Variants in IPO4 observed in about 807,000 individuals in gnomAD.
IPO4 encodes importin 4.
In IPO4, 91 loss-of-function variants were observed where a neutral mutation model predicts 133.5. The observed-to-expected ratio is 0.68, with a 90% CI of 0.58 to 0.81. The LOEUF (loss-of-function observed/expected upper bound fraction) is 0.81. Ranked by LOEUF, IPO4 falls within the 30% of genes least tolerant of loss-of-function variation. The pLI is 0.00. For synonymous variants in IPO4, 607 were observed against 581.6 expected (o/e 1.04, Z -0.63); for missense variants, 1,279 against 1,386.2 (o/e 0.92, Z 1.23).
Position 24,183,104 on chromosome 14 carries a change from G to A in IPO4, c.2293C>T (p.Arg765Cys), listed in dbSNP as rs200223765. 5.1e-5 allele frequency: 82 copies of A among 1,613,844 alleles called. No individual in the cohort carries two copies. Among genetic ancestry groups the A allele is most frequent in the Middle Eastern group, 3.3e-4 (2 of 6,062 alleles). The part of the protein sequence containing the change: ...YMQAVNRERE[R>C]QVVMAVLEAL... ...TCCAGCACGGCCATCACCACCTGGC[G>A]TTCCCGCTCCCTGTTCACTGCCTGC... is the stretch of plus-strand genomic sequence containing the variant. The change falls in exon 23 of 30, where the codon CGC becomes TGC. Residue 765 changes from arginine to cysteine, a missense_variant. Physicochemically the swap from Arg to Cys is radical, Grantham distance 180. Around this residue, in one of 3 missense-constraint regions of IPO4, gnomAD observed 575 missense variants for 653.4 expected, o/e 0.88. Coordinates refer to ENST00000354464, the MANE Select transcript of IPO4 (RefSeq NM_024658.4).
Position 24,186,979 on chromosome 14 carries a change from C to T in IPO4, c.655G>A (p.Ala219Thr), listed in dbSNP as rs370544113. The change falls in exon 8 of 30, where the codon GCA (alanine) becomes ACA (threonine). Residue 219 changes from alanine to threonine, a missense_variant and splice_region_variant. Physicochemically the swap from Ala to Thr is moderately conservative, Grantham distance 58. This residue lies in a region of IPO4 where 695 missense variants were observed against 704.1 expected (regional missense o/e 0.99). Coordinates refer to ENST00000354464, the MANE Select transcript of IPO4 (RefSeq NM_024658.4). ...AMQTLIPIDE[A>T]KACEALEALD... ...GCCTCAAGGGCCTCACAGGCCTTTG[C>T]CTGACAGACAAACAAGGCACAAGGT... 1.2e-5 allele frequency: 19 copies of T among 1,613,484 alleles called. No individual in the cohort carries two copies. The highest frequency in any genetic ancestry group is 1.5e-5 in the Non-Finnish European group (18 of 1,179,522).
chr14:24,185,465 G>A lies in IPO4; in HGVS notation c.1272C>T (p.Asn424=). 6.2e-7 allele frequency: 1 copy of A among 1,614,140 alleles called. No individual in the cohort carries two copies. The highest frequency in any genetic ancestry group is 8.5e-7 in the Non-Finnish European group (1 of 1,179,974). ...ALFALGQFSE[N]LQPHISSYSR... ...CACATTCAGCCTGGTTCACCTGTAG[G>A]TTTTCTGAGAACTGGCCCAGGGCAA... The change falls in exon 13 of 30, where the codon AAC becomes AAT. Residue 424 remains asparagine, a synonymous_variant. Transcript: ENST00000354464.
At position 24,184,317 on chromosome 14, in the gene IPO4, G is replaced by C. The variant is rs11550452; in HGVS notation, c.1738C>G (p.Pro580Ala). ...GLGLCDQVDD[P>A]DLRRCTYSLF... The stretch of plus-strand genomic sequence containing the variant: ...ACTCACGTGCAGCGCCGCAAGTCAG[G>C]GTCGTCTACCTGGTCGCAGAGGCCC... The change falls in exon 17 of 30, where the codon CCT becomes GCT. Residue 580 changes from proline (P) to alanine (A), a missense_variant. Coordinates refer to ENST00000354464, the MANE Select transcript of IPO4 (RefSeq NM_024658.4). The C allele has an allele frequency of 0.33, 526,636 of 1,582,222 alleles. 89,386 individuals carry two copies. Among genetic ancestry groups the C allele is most frequent in the East Asian group, 0.44 (19,105 of 43,118 alleles).
Position 24,180,570 on chromosome 14 carries a change from T to C in IPO4, c.3118A>G (p.Thr1040Ala). The C allele has an allele frequency of 6.2e-7, 1 of 1,613,652 alleles. No individual in the cohort carries two copies. Among genetic ancestry groups the C allele is most frequent in the Non-Finnish European group, 8.5e-7 (1 of 1,179,568 alleles). Residue 1040 changes from threonine (T) to alanine (A), a missense_variant and splice_region_variant, in exon 30 of 30, where the codon ACC (threonine) becomes GCC (alanine). Thr to Ala is a moderately conservative substitution (Grantham distance 58). Around this residue, in one of 3 missense-constraint regions of IPO4, gnomAD observed 575 missense variants for 653.4 expected, o/e 0.88. Transcript: ENST00000354464. ...AGGAGCAGCAACAGTGCGGCCTTGG[T>C]GTCTGGGTGGAGAGGGAGGGAGAAA... Reference protein sequence around the residue: ...ILADNKIPPDTKAALLLLLTF... With the variant: ...ILADNKIPPDAKAALLLLLTF...
intron 6 of IPO4, 98 bp from the exon 7 acceptor site, chr14:24,187,248 A>C: frequency 6.7e-7 from 1 of 1,493,310 alleles, no homozygotes; most frequent in Non-Finnish European, 9.3e-7. Context: ...GAGCCCAGGC[A>C]TAACAGCCAG....
Position 24,183,001 on chromosome 14 carries a change from A to C in IPO4, c.2396T>G (p.Val799Gly). The C allele has an allele frequency of 3.7e-6, 6 of 1,613,536 alleles. No individual in the cohort carries two copies. The highest frequency in any genetic ancestry group is 5.1e-6 in the Non-Finnish European group (6 of 1,179,738). The change falls in exon 23 of 30, where the codon GTG becomes GGG. Residue 799 changes from valine (V) to glycine (G), a missense_variant. This residue lies in a region of IPO4 where 575 missense variants were observed against 653.4 expected (regional missense o/e 0.88). Coordinates refer to ENST00000354464, the MANE Select transcript of IPO4 (RefSeq NM_024658.4). Reference protein sequence around the residue: ...PPGRLAELCGVLKAVLQRKTA... With the variant: ...PPGRLAELCGGLKAVLQRKTA... ...CTTCCTCTGCAGCACAGCCTTGAGCACGCCACAGAGCTCAGCGAGGCGCCC... is the reference window on the plus strand; with the variant it reads ...CTTCCTCTGCAGCACAGCCTTGAGCCCGCCACAGAGCTCAGCGAGGCGCCC...
chr14:24,188,532 G>A lies in IPO4; in HGVS notation c.156+20C>T. On this transcript the variant is annotated intron_variant, in intron 2 of 29. Coordinates refer to ENST00000354464, the MANE Select transcript of IPO4 (RefSeq NM_024658.4). Reference sequence around the variant, plus strand: ...GTGGCGTACAGTGGGAAGCTCGGAGGGGAGAGTCAGGGGTCTCACCTGGGG... The same window carrying A: ...GTGGCGTACAGTGGGAAGCTCGGAGAGGAGAGTCAGGGGTCTCACCTGGGG... The A allele has an allele frequency of 6.2e-7, 1 of 1,610,436 alleles. No individual in the cohort carries two copies. Among genetic ancestry groups the A allele is most frequent in the Non-Finnish European group, 8.5e-7 (1 of 1,177,992 alleles).
Position 24,184,744 on chromosome 14 carries a change from C to T in IPO4, c.1542G>A (p.Ser514=), listed in dbSNP as rs776574208. 2.2e-5 allele frequency: 35 copies of T among 1,612,526 alleles called. 1 individual carries two copies. Among genetic ancestry groups the T allele is most frequent in the East Asian group, 1.3e-4 (6 of 44,880 alleles). Residue 514 remains serine, a synonymous_variant, in exon 16 of 30, where the codon TCG becomes TCA. Transcript: ENST00000354464. The part of the protein sequence containing the change: ...LGAIATAAQA[S]LLPYFPAIME... ...TGATGGCAGGGAAGTAGGGCAGCAGCGAGGCCTGGGCAGCCGTAGCTGCAG... is the reference window on the plus strand; with the variant it reads ...TGATGGCAGGGAAGTAGGGCAGCAGTGAGGCCTGGGCAGCCGTAGCTGCAG...
intron 13 of IPO4, 44 bp from the exon 14 acceptor site, chr14:24,185,356 G>T: frequency 6.2e-7 from 1 of 1,613,502 alleles, no homozygotes; most frequent in Non-Finnish European, 8.5e-7. Flanking sequence ...TTCACCTGCC[G>T]GGCACACACA....
At chr14:24,186,582 G>A in intron 9 of IPO4, 126 bp downstream of exon 9, 1 of 1,357,182 alleles carries the variant, frequency 7.4e-7, no homozygotes, top group Non-Finnish European at 1.0e-6. Flanking sequence ...GAGCTGGGGT[G>A]AGGCCAGGCC....
chr14:24,188,053 C>A, intron 4 of IPO4, 163 bp downstream of exon 4: 1 of 822,280 alleles, frequency 1.2e-6, no homozygotes, highest in Non-Finnish European at 1.9e-6. Flanking sequence ...CATCATCACC[C>A]TTCCTCAAGA....
intron 16 of IPO4, 64 bp from the exon 17 acceptor site, chr14:24,184,482 G>A (rs1234354093): frequency 1.4e-5 from 22 of 1,549,830 alleles, no homozygotes; most frequent in Non-Finnish European, 1.7e-5. Flanking sequence ...CAAAGGTGGT[G>A]GCTGGGAGGG....
intron 4 of IPO4, 139 bp downstream of exon 4, chr14:24,188,077 A>C: frequency 1.0e-6 from 1 of 952,578 alleles, no homozygotes; most frequent in Non-Finnish European, 1.6e-6. Context: ...TTAGTCTTCA[A>C]AACAGCCTTA....
At chr14:24,180,648 C>T in intron 29 of IPO4, 41 bp downstream of exon 29, 1 of 1,613,084 alleles carries the variant, frequency 6.2e-7, no homozygotes, top group Non-Finnish European at 8.5e-7. Context: ...CCTGCCACTC[C>T]CAGCCTCCCG....
chr14:24,183,374 C>T lies in IPO4; in HGVS notation c.2122-19G>A, dbSNP rs376924586. The T allele has an allele frequency of 2.4e-5, 39 of 1,598,702 alleles. No homozygotes were observed. The highest frequency in any genetic ancestry group is 6.7e-5 in the South Asian group (6 of 89,288). On this transcript the variant is annotated intron_variant, in intron 21 of 29. Coordinates refer to ENST00000354464, the MANE Select transcript of IPO4 (RefSeq NM_024658.4). ...GAGGGCACTGCAGGATGAGGAGGGG[C>T]GGGATATGTCTGCTATGTGCACCGT...
In IPO4 at chr14:24,180,752, C is replaced by G; in HGVS notation, c.3052G>C (p.Asp1018His). The G allele has an allele frequency of 6.2e-7, 1 of 1,613,884 alleles. No individual in the cohort carries two copies. The highest frequency in any genetic ancestry group is 2.2e-5 in the East Asian group (1 of 44,882). ...ATACGCAGAAGCTCGGGAGCCACATCTATAACCTGTGAGGAAAGAGTGGCT... is the reference window on the plus strand; with the variant it reads ...ATACGCAGAAGCTCGGGAGCCACATGTATAACCTGTGAGGAAAGAGTGGCT... ...LYQSSPDQVI[D>H]VAPELLRICS... Residue 1018 changes from aspartate to histidine, a missense_variant, in exon 29 of 30, where the codon GAT (aspartate) becomes CAT (histidine). Asp to His is a moderately conservative substitution (Grantham distance 81). Transcript: ENST00000354464.
Position 24,186,378 on chromosome 14 carries a change from G to A in IPO4, c.914C>T (p.Pro305Leu). The A allele has an allele frequency of 1.2e-6, 2 of 1,613,044 alleles. No homozygotes were observed. The highest frequency in any genetic ancestry group is 2.2e-5 in the East Asian group (1 of 44,866). Residue 305 changes from proline (P) to leucine (L), a missense_variant, in exon 10 of 30, where the codon CCA becomes CTA. Pro to Leu is a moderately conservative substitution (Grantham distance 98, BLOSUM62 -3). This residue lies in a region of IPO4 where 695 missense variants were observed against 704.1 expected (regional missense o/e 0.99). Coordinates refer to ENST00000354464, the MANE Select transcript of IPO4 (RefSeq NM_024658.4). ...CTGGTCCTCGGGATCCAACTGGCCTGGTGGGGGCTCAGCAGCCACAATGGG... is the reference window on the plus strand; with the variant it reads ...CTGGTCCTCGGGATCCAACTGGCCTAGTGGGGGCTCAGCAGCCACAATGGG... Reference protein sequence around the residue: ...LFPIVAAEPPPGQLDPEDQDS... With the variant: ...LFPIVAAEPPLGQLDPEDQDS...
Position 24,187,653 on chromosome 14 carries a change from C to T in IPO4, c.408+14G>A, listed in dbSNP as rs1429054328. The T allele has an allele frequency of 1.9e-6, 3 of 1,613,846 alleles. No individual in the cohort carries two copies. Among genetic ancestry groups the T allele is most frequent in the South Asian group, 1.1e-5 (1 of 91,084 alleles). On this transcript the variant is annotated intron_variant, in intron 5 of 29. Coordinates refer to ENST00000354464, the MANE Select transcript of IPO4 (RefSeq NM_024658.4). ...CCTCTCAGGCCCTCCCTCCTGCCAACCATGTGATGGTACCTCTCTCTCTGG... is the reference window on the plus strand; with the variant it reads ...CCTCTCAGGCCCTCCCTCCTGCCAATCATGTGATGGTACCTCTCTCTCTGG...
chr14:24,184,691 G>A lies in IPO4; in HGVS notation c.1595C>T (p.Thr532Ile). 1.2e-6 allele frequency: 2 copies of A among 1,612,456 alleles called. No homozygotes were observed. Among genetic ancestry groups the A allele is most frequent in the Non-Finnish European group, 1.7e-6 (2 of 1,179,284 alleles). The change falls in exon 16 of 30, where the codon ACA (threonine) becomes ATA (isoleucine). Residue 532 changes from threonine to isoleucine, a missense_variant. Physicochemically the swap from Thr to Ile is moderately conservative, Grantham distance 89. Around this residue, in one of 3 missense-constraint regions of IPO4, gnomAD observed 695 missense variants for 704.1 expected, o/e 0.99. Transcript: ENST00000354464. ...CACAGGCTGAAGGTCCTCACGGCCT[G>A]TTAACAGGAATTCCCGCAGGTGCTC... is the stretch of plus-strand genomic sequence containing the variant. ...IMEHLREFLL[T>I]GREDLQPVQI...
Sources: allele counts gnomAD v4.1 joint callset, GRCh38; gene constraint gnomAD v4.1.1; regional missense constraint gnomAD v4.1.1; transcripts MANE v1.5; gene names NCBI Gene and HGNC (gene_info 2026-07-23, HGNC 2026-07-21).